TRNT1: variants seen among roughly 807,000 people sequenced by gnomAD.
TRNT1 encodes the protein CCA tRNA nucleotidyltransferase 1, mitochondrial.
In TRNT1, 44 loss-of-function variants were observed where a neutral mutation model predicts 45.6. The observed-to-expected ratio is 0.97, with a 90% CI of 0.76 to 1.24. TRNT1 has a LOEUF of 1.24. TRNT1 is among the 50% of genes most tolerant of loss of function. The probability of loss-of-function intolerance (pLI) is 0.00; values close to 1 mark genes in which losing one functional copy is unlikely to be tolerated. For synonymous variants in TRNT1, 201 were observed against 171.4 expected (o/e 1.17, Z -1.35); for missense variants, 633 against 504.4 (o/e 1.25, Z -2.44).
At chr3:3,133,555 CAAAA>C (rs565087780) in intron 2 of TRNT1, among the ~76,000 whole-genome samples, 1 of 139,208 alleles carries the variant, frequency 7.2e-6, no homozygotes, top group Non-Finnish European at 1.6e-5. Flanking sequence ...GACCCTCTCT[CAAAA>C]AAAAAAAAAT....
At chr3:3,132,616 G>T (rs1705070450) in intron 2 of TRNT1, among the ~76,000 whole-genome samples, 1 of 108,734 alleles carries the variant, frequency 9.2e-6, no homozygotes, top group African/African-American at 3.6e-5. Flanking sequence ...GCACCAGCAT[G>T]GCACATGTAT....
chr3:3,150,679 T>TTCCTAAAG, downstream of TRNT1: 1 of 591,708 alleles, frequency 1.7e-6, no homozygotes, highest in Non-Finnish European at 2.9e-6. Context: ...TCATGCTTGT[T>TTCCTAAAG]TCCTAAAGTA....
chr3:3,150,849 T>G, downstream of TRNT1: 1 of 1,611,310 alleles, frequency 6.2e-7, no homozygotes, highest in Non-Finnish European at 8.5e-7. Context: ...GATAACTTTA[T>G]CTCTATCACA....
At chr3:3,152,601 T>C (rs1008159456), downstream of TRNT1, 1 of 1,613,854 alleles carries the variant, frequency 6.2e-7, no homozygotes, top group East Asian at 2.2e-5. Context: ...AAACAAAGAA[T>C]CAACATGGAG....
At chr3:3,139,946 C>T (rs911740407) in intron 3 of TRNT1, among the ~76,000 whole-genome samples, 2 of 152,134 alleles carry the variant, frequency 1.3e-5, no homozygotes, top group East Asian at 1.9e-4. Context: ...CCAGGCTGGT[C>T]TTGAACTCCT....
chr3:3,137,473 G>A lies in TRNT1; in HGVS notation c.342+20G>A. The A allele has an allele frequency of 1.3e-6, 2 of 1,561,038 alleles. No homozygotes were observed. The highest frequency in any genetic ancestry group is 1.7e-6 in the Non-Finnish European group (2 of 1,156,142). On this transcript the variant is annotated intron_variant, in intron 3 of 7. Coordinates refer to ENST00000251607, the MANE Select transcript of TRNT1 (RefSeq NM_182916.3). ...GCCAGGGTGAGTCAAAAGTTTGACA[G>A]GTAATTACATTGCTTTTTTGGTAAT... is the stretch of plus-strand genomic sequence containing the variant.
intron 5 of TRNT1, 48 bp downstream of exon 5, chr3:3,144,758 G>C: frequency 1.4e-6 from 2 of 1,440,956 alleles, no homozygotes; most frequent in South Asian, 1.4e-5. Context: ...ATCATGACTA[G>C]AGCATAACAG....
At position 3,130,078 on chromosome 3, in the gene TRNT1, T is replaced by C. The variant is rs1335500930; in HGVS notation, c.148+890T>C. 6.7e-6 allele frequency: 7 copies of C among 1,050,942 alleles called. No homozygotes were observed. The African/African-American group carries it at 1.1e-4, about 17-fold the overall frequency. The allele number at this position is 1,050,942 out of a possible 1,614,324, so 65.1% of individuals were successfully genotyped here. A position where few individuals can be genotyped will look rare whatever the true frequency, so the allele number is the denominator to read the frequency against. On this transcript the variant is annotated intron_variant, in intron 2 of 7. Coordinates refer to ENST00000251607, the MANE Select transcript of TRNT1 (RefSeq NM_182916.3). ...CAGTTTCATTAGTGTTGATTCTCAA[T>C]GTTGTCTGCTGATGTTGCTAAAGCA...
At chr3:3,152,562 C>G (rs767480825), downstream of TRNT1, 2 of 1,614,096 alleles carry the variant, frequency 1.2e-6, no homozygotes, top group Non-Finnish European at 1.7e-6. Context: ...TTCACATAAG[C>G]TGCCATCGGC....
intron 5 of TRNT1, among the ~76,000 whole-genome samples, chr3:3,145,958 C>T (rs1004815522): frequency 1.3e-5 from 2 of 149,982 alleles, no homozygotes; most frequent in African/African-American, 2.5e-5. Context: ...CTAGATGAGT[C>T]GTATTTGAAG....
In TRNT1 at chr3:3,130,918, C is replaced by G. The variant is rs568824473; in HGVS notation, c.148+1730C>G. Among the ~76,000 whole-genome samples, 403 of 151,776 alleles carry G rather than the reference C, an allele frequency of 2.7e-3. 1 individual carries two copies. Among genetic ancestry groups the G allele is most frequent in the Non-Finnish European group, 4.7e-3 (322 of 67,946 alleles). On this transcript the variant is annotated intron_variant, in intron 2 of 7. Transcript: ENST00000251607. Reference sequence around the variant, plus strand: ...GCAACACGGTGAAACCCCATCTCTACTAAAAATATGAAAAATAGGCAAGCA... The same window carrying G: ...GCAACACGGTGAAACCCCATCTCTAGTAAAAATATGAAAAATAGGCAAGCA...
chr3:3,137,478 T>A (rs775874108), intron 3 of TRNT1, 25 bp downstream of exon 3: 33 of 1,540,742 alleles, frequency 2.1e-5, no homozygotes, highest in Middle Eastern at 3.5e-4. Context: ...TGACAGGTAA[T>A]TACATTGCTT....
At chr3:3,152,534 T>C, downstream of TRNT1, 1 of 1,614,048 alleles carries the variant, frequency 6.2e-7, no homozygotes, top group Non-Finnish European at 8.5e-7. Context: ...AAGTGTCTCA[T>C]GCACATATCC....
At chr3:3,129,266 A>G (rs1303728710) in intron 2 of TRNT1, 78 bp downstream of exon 2, 2 of 1,261,552 alleles carry the variant, frequency 1.6e-6, no homozygotes, top group Non-Finnish European at 2.3e-6. Context: ...TTAAGCCAGC[A>G]TTCGGATATT....
intron 3 of TRNT1, 100 bp from the exon 4 acceptor site, chr3:3,140,410 A>G (rs970588598): frequency 1.2e-4 from 144 of 1,161,376 alleles, no homozygotes; most frequent in Admixed American, 2.2e-4. Context: ...CAGGGCTTAT[A>G]GTACCATCCC....
chr3:3,140,528 G>A lies in TRNT1; in HGVS notation c.361G>A (p.Glu121Lys), dbSNP rs2126022941. The A allele has an allele frequency of 1.2e-6, 2 of 1,611,804 alleles. No homozygotes were observed. Among genetic ancestry groups the A allele is most frequent in the Non-Finnish European group, 1.7e-6 (2 of 1,179,150 alleles). ...ATTGCAGCTTCATGAAGAAAATTTT[G>A]AGATTACTACACTACGGATTGATGT... ...ITARLHEENF[E>K]ITTLRIDVTT... is the part of the protein sequence containing the mutation. Residue 121 changes from glutamate to lysine, a missense_variant, in exon 4 of 8, where the codon GAG (glutamate) becomes AAG (lysine). Glu to Lys is a moderately conservative substitution (Grantham distance 56). Coordinates refer to ENST00000251607, the MANE Select transcript of TRNT1 (RefSeq NM_182916.3).
chr3:3,135,442 A>G (rs750093188), intron 2 of TRNT1, among the ~76,000 whole-genome samples: 4 of 151,930 alleles, frequency 2.6e-5, no homozygotes, highest in Non-Finnish European at 5.9e-5. Flanking sequence ...CTATGTCTAG[A>G]TGGTGGAGGC....
rs368706944 is a variant in TRNT1 at position 3,144,555 on chromosome 3, ATT to A, written c.482-25_482-24del. ...TTCAAATTCTTATTTGCCAATAGTG[ATT>A]TTTCTCCCTCCTTTTCTAATGAATA... On this transcript the variant is annotated intron_variant, in intron 4 of 7. Coordinates refer to ENST00000251607, the MANE Select transcript of TRNT1 (RefSeq NM_182916.3). 5,625 of 1,561,346 alleles carry A rather than the reference ATT, an allele frequency of 3.6e-3. 153 individuals are homozygous for A. In the African/African-American group the frequency reaches 0.065, roughly 18 times the overall value.
rs1553556570 is a variant in TRNT1, at chr3:3,148,962, A to ATATTCTCTAAAGATTGATT, written c.*823_*824insGATTTATTCTCTAAAGATT. Reference sequence around the variant, plus strand: ...ATTAAAAGGATATGGCTATTATTATATATTCTCTAAAGATTTGAGTCCTAA... The same window carrying ATATTCTCTAAAGATTGATT: ...ATTAAAAGGATATGGCTATTATTATATATTCTCTAAAGATTGATTTATTCTCTAAAGATTTGAGTCCTAA... On this transcript the variant is annotated 3_prime_UTR_variant, in exon 8 of 8. Transcript: ENST00000251607. The ATATTCTCTAAAGATTGATT allele has an allele frequency of 7.3e-6, 1 of 136,542 alleles. No homozygotes were observed. The highest frequency in any genetic ancestry group is 1.6e-5 in the Non-Finnish European group (1 of 64,380). 8.5% of individuals were successfully genotyped at this position (136,542 alleles called of 1,614,324 possible).
Sources: allele counts gnomAD v4.1 joint callset (sites outside exome capture counted in the v4.1 genomes callset), GRCh38; gene constraint gnomAD v4.1.1; transcripts MANE v1.5; gene names NCBI Gene and HGNC (gene_info 2026-07-23, HGNC 2026-07-21).